Variants in ANAPC5 observed in about 807,000 individuals in gnomAD.
ANAPC5 encodes anaphase promoting complex subunit 5.
Under a neutral mutation model 91.3 loss-of-function variants are expected in ANAPC5, and 60 were observed. The observed-to-expected ratio is 0.66, with a 90% CI of 0.53 to 0.81. ANAPC5 has a LOEUF of 0.81. ANAPC5 is among the 40% of genes least tolerant of loss of function. The pLI, the probability that ANAPC5 is intolerant of heterozygous loss-of-function variation, is 0.00. For synonymous variants in ANAPC5, 340 were observed against 364.1 expected (o/e 0.93, Z 0.75); for missense variants, 690 against 931.5 (o/e 0.74, Z 3.37).
chr12:121,309,747 G>C lies in ANAPC5; in HGVS notation c.2010C>G (p.Cys670Trp). 1.2e-6 allele frequency: 2 copies of C among 1,614,112 alleles called. No homozygotes were observed. The highest frequency in any genetic ancestry group is 1.7e-6 in the Non-Finnish European group (2 of 1,180,014). The change falls in exon 16 of 17, where the codon TGC becomes TGG. Residue 670 changes from cysteine to tryptophan, a missense_variant. Coordinates refer to ENST00000261819, the MANE Select transcript of ANAPC5 (RefSeq NM_016237.5). Reference sequence around the variant, plus strand: ...CGTAGGAAGCTGCTGAAGCCACCTGGCACTTGGCCACTAAGAACATGGCAC... The same window carrying C: ...CGTAGGAAGCTGCTGAAGCCACCTGCCACTTGGCCACTAAGAACATGGCAC... Reference protein sequence around the residue: ...KGRAMFLVAKCQVASAASYDQ... With the variant: ...KGRAMFLVAKWQVASAASYDQ...
intron 11 of ANAPC5, among the ~76,000 whole-genome samples, chr12:121,324,536 T>C (rs185142091): frequency 1.3e-5 from 2 of 152,182 alleles, no homozygotes; most frequent in African/African-American, 4.8e-5. Flanking sequence ...TTTTAGGGTC[T>C]TACTCCCAGA....
intron 15 of ANAPC5, among the ~76,000 whole-genome samples, chr12:121,314,254 T>G (rs1249477562): frequency 6.6e-6 from 1 of 151,872 alleles, no homozygotes; most frequent in African/African-American, 2.4e-5. Flanking sequence ...CAAAAATTAC[T>G]TGGGCATGGT....
intron 11 of ANAPC5, 100 bp downstream of exon 11, chr12:121,326,996 A>C (rs4980993): frequency 0.94 from 1,349,959 of 1,431,882 alleles, 641,907 homozygotes; most frequent in East Asian, 1. Context: ...GTCGAGCAGA[A>C]CTGTCCAACA....
At position 121,317,253 on chromosome 12, in the gene ANAPC5, C is replaced by CT. The variant is rs763895505; in HGVS notation, c.1893+1023dup. Among the ~76,000 whole-genome samples the CT allele has an allele frequency of 2.3e-3, 326 of 140,954 alleles. 1 individual carries two copies. Among genetic ancestry groups the CT allele is most frequent in the South Asian group, 0.01 (44 of 4,388 alleles). The allele number at this position is 140,954 out of a possible 152,430, so 92.5% of individuals were successfully genotyped here. On this transcript the variant is annotated intron_variant, in intron 15 of 16. Transcript: ENST00000261819. ...AAAGTGGTAAATCTTGTGTTACATA[C>CT]TTTTTTTTTTTTTTTTTGAGATGGA...
intron 9 of ANAPC5, chr12:121,328,711 AAG>A (rs1413892003): frequency 4.2e-6 from 2 of 472,524 alleles, no homozygotes; most frequent in African/African-American, 3.9e-5. Context: ...GTACACGGGA[AAG>A]AGCCAGCAGG....
intron 8 of ANAPC5, chr12:121,331,019 T>C (rs1369700988): frequency 2.5e-6 from 1 of 392,432 alleles, no homozygotes; most frequent in South Asian, 3.0e-5. Context: ...ATTTTGCTAT[T>C]ACAGGACAAC....
At chr12:121,329,434 G>A (rs1902948465) in intron 9 of ANAPC5, among the ~76,000 whole-genome samples, 2 of 152,028 alleles carry the variant, frequency 1.3e-5, no homozygotes, top group Admixed American at 1.3e-4. Flanking sequence ...TTATAGGTGT[G>A]AGCCACCACG....
intron 15 of ANAPC5, among the ~76,000 whole-genome samples, chr12:121,317,490 G>A (rs185863234): frequency 8.6e-5 from 13 of 151,888 alleles, no homozygotes; most frequent in Non-Finnish European, 1.6e-4. Context: ...CTGACCTTGT[G>A]ATCTGCCCAC....
At chr12:121,326,136 C>T (rs1446964904) in intron 11 of ANAPC5, among the ~76,000 whole-genome samples, 1 of 152,184 alleles carries the variant, frequency 6.6e-6, no homozygotes, top group Non-Finnish European at 1.5e-5. Flanking sequence ...AGGGCCCATC[C>T]ACCCCTCAGT....
At chr12:121,352,718 T>TTGTTGTTGTTGTTGGTGG (rs71079056), upstream of ANAPC5, among the ~76,000 whole-genome samples, 5 of 102,348 alleles carry the variant, frequency 4.9e-5, no homozygotes, top group Non-Finnish European at 6.9e-5. Flanking sequence ...GTTGTTGTTG[T>TTGTTGTTGTTGTTGGTGG]TGGTGGTGGT....
chr12:121,335,688 T>G lies in ANAPC5; in HGVS notation c.795A>C (p.Gln265His), dbSNP rs1555273394. Residue 265 changes from glutamine to histidine, a missense_variant, in exon 7 of 17, where the codon CAA (glutamine) becomes CAC (histidine). Physicochemically the swap from Gln to His is conservative, Grantham distance 24 (BLOSUM62 0). Transcript: ENST00000261819. ...GACTGTGTGTTGAACTGAAAACATCTTGGACACGGAGGTTGTTTAAGTAGC... is the reference window on the plus strand; with the variant it reads ...GACTGTGTGTTGAACTGAAAACATCGTGGACACGGAGGTTGTTTAAGTAGC... ...YLSYLNNLRV[Q>H]DVFSSTHSLL... The G allele has an allele frequency of 6.2e-7, 1 of 1,611,176 alleles. No individual in the cohort carries two copies. Among genetic ancestry groups the G allele is most frequent in the South Asian group, 1.1e-5 (1 of 91,000 alleles).
chr12:121,339,327 A>G (rs1417357613), intron 5 of ANAPC5, among the ~76,000 whole-genome samples: 1 of 152,152 alleles, frequency 6.6e-6, no homozygotes, highest in Non-Finnish European at 1.5e-5. Flanking sequence ...CTGGGATTAT[A>G]GGCATGAGCC....
At chr12:121,336,562 C>T (rs1903246361) in intron 6 of ANAPC5, among the ~76,000 whole-genome samples, 1 of 152,050 alleles carries the variant, frequency 6.6e-6, no homozygotes, top group South Asian at 2.1e-4. Flanking sequence ...GCCTGTACTC[C>T]CAGCTACTCG....
chr12:121,346,152 AC>A (rs1903660378), intron 3 of ANAPC5, 121 bp from the exon 4 acceptor site: 1 of 785,432 alleles, frequency 1.3e-6, no homozygotes, highest in African/African-American at 1.8e-5. Context: ...TAAGAAAGAG[AC>A]ACTTGCAGTT....
intron 11 of ANAPC5, among the ~76,000 whole-genome samples, chr12:121,325,846 G>A (rs1350683430): frequency 2.6e-5 from 4 of 152,190 alleles, no homozygotes; most frequent in Non-Finnish European, 5.9e-5. Context: ...CAGACTGGGC[G>A]ACAGAGCGAC....
At chr12:121,350,158 T>A (rs781798986) in intron 1 of ANAPC5, among the ~76,000 whole-genome samples, 36 of 152,158 alleles carry the variant, frequency 2.4e-4, no homozygotes, top group Non-Finnish European at 4.7e-4. Flanking sequence ...GTGTCCTCAG[T>A]TCTCCCCTCT....
intron 9 of ANAPC5, among the ~76,000 whole-genome samples, chr12:121,330,027 C>T (rs1902979731): frequency 6.6e-6 from 1 of 152,176 alleles, no homozygotes; most frequent in African/African-American, 2.4e-5. Flanking sequence ...TTACTGGTTC[C>T]TGGCTTTGTT....
intron 13 of ANAPC5, among the ~76,000 whole-genome samples, chr12:121,319,449 G>T (rs1391579861): frequency 6.6e-6 from 1 of 151,782 alleles, no homozygotes; most frequent in Non-Finnish European, 1.5e-5. Flanking sequence ...GGCCAGGCTG[G>T]TCTCAAACTC....
intron 5 of ANAPC5, among the ~76,000 whole-genome samples, chr12:121,340,464 C>T (rs1555273983): frequency 2.0e-5 from 3 of 152,038 alleles, no homozygotes; most frequent in African/African-American, 7.2e-5. Context: ...GTACTTTTTC[C>T]TTACAGTTAA....
Sources: gnomAD v4.1 joint callset for allele counts (sites outside exome capture counted in the v4.1 genomes callset) on GRCh38, gnomAD v4.1.1 for gene constraint, MANE v1.5 for transcripts, NCBI Gene and HGNC (gene_info 2026-07-23, HGNC 2026-07-21) for gene names.